UNC13C: variants seen among roughly 807,000 people sequenced by gnomAD.
UNC13C encodes the protein unc-13 homolog C.
A neutral mutation model predicts 245.4 loss-of-function variants in UNC13C; 174 were observed. The observed-to-expected ratio is 0.71, with a 90% CI of 0.63 to 0.80. The LOEUF is 0.80. Among genes scored for constraint, UNC13C ranks in the 30% least tolerant of loss-of-function variants. The pLI is 0.00. For missense variants in UNC13C, 2,829 were observed against 2,602.9 expected (o/e 1.09, Z -1.89); for synonymous variants, 992 against 895.1 (o/e 1.11, Z -1.93).
intron 2 of UNC13C, among the ~76,000 whole-genome samples, chr15:54,112,562 T>C (rs1288244180): frequency 1.3e-5 from 2 of 152,336 alleles, no homozygotes; most frequent in East Asian, 3.9e-4. Context: ...AACTGTCATG[T>C]TGAATATGTC....
At chr15:54,465,184 G>T (rs1417589170) in intron 19 of UNC13C, among the ~76,000 whole-genome samples, 1 of 151,964 alleles carries the variant, frequency 6.6e-6, no homozygotes, top group African/African-American at 2.4e-5. Context: ...GACCAGAATA[G>T]GGTAAATTCT....
In UNC13C at chr15:54,413,126, G is replaced by A. The variant is rs1014986773; in HGVS notation, c.4848-1856G>A. ...ATTGTATTTTTGGGATAAACCTCTCGATCATAATGTATTGTTCATTTTATA... is the reference window on the plus strand; with the variant it reads ...ATTGTATTTTTGGGATAAACCTCTCAATCATAATGTATTGTTCATTTTATA... On this transcript the variant is annotated intron_variant, in intron 18 of 32. Transcript: ENST00000260323. 7.9e-5 allele frequency among the ~76,000 whole-genome samples: 12 copies of A among 152,028 alleles called. No individual in the cohort carries two copies. The East Asian group carries it at 1.6e-3, about 20-fold the overall frequency.
intron 8 of UNC13C, among the ~76,000 whole-genome samples, chr15:54,263,277 A>G (rs756721697): frequency 6.6e-6 from 1 of 152,178 alleles, no homozygotes; most frequent in Non-Finnish European, 1.5e-5. Context: ...ACACTGGTAC[A>G]TGACCTTTTG....
chr15:54,431,414 T>A lies in UNC13C; in HGVS notation c.4933+16347T>A, dbSNP rs2040870050. On this transcript the variant is annotated intron_variant, in intron 19 of 32. Transcript: ENST00000260323. ...TCCATTAATGGCTAAATATTTGGAATGTCTAATAGGGTATCTAATATGCAA... is the reference window on the plus strand; with the variant it reads ...TCCATTAATGGCTAAATATTTGGAAAGTCTAATAGGGTATCTAATATGCAA... Among the ~76,000 whole-genome samples the A allele has an allele frequency of 4.6e-5, 7 of 151,732 alleles. No homozygotes were observed. The South Asian group carries it at 1.2e-3, about 27-fold the overall frequency.
intron 2 of UNC13C, among the ~76,000 whole-genome samples, chr15:54,060,561 G>A (rs1372831557): frequency 1.3e-5 from 2 of 152,206 alleles, no homozygotes; most frequent in Middle Eastern, 3.2e-3. Flanking sequence ...TCGGTGTGGT[G>A]ATTCCTCAGG....
intron 2 of UNC13C, among the ~76,000 whole-genome samples, chr15:54,081,297 T>C (rs1435627717): frequency 6.6e-6 from 1 of 152,148 alleles, no homozygotes; most frequent in Non-Finnish European, 1.5e-5. Flanking sequence ...TAGATGCCTA[T>C]TAAGTCCATT....
At chr15:54,343,707 A>C (rs1033136648) in intron 17 of UNC13C, among the ~76,000 whole-genome samples, 7 of 152,246 alleles carry the variant, frequency 4.6e-5, no homozygotes, top group African/African-American at 1.7e-4. Flanking sequence ...ATGGTAAGGC[A>C]GACTATTCAA....
At chr15:54,298,720 A>C (rs1466564038) in intron 12 of UNC13C, among the ~76,000 whole-genome samples, 1 of 152,124 alleles carries the variant, frequency 6.6e-6, no homozygotes, top group Admixed American at 6.5e-5. Flanking sequence ...TGTCGCTGAG[A>C]GCTTAGTTAG....
chr15:53,933,637 A>T, the UNC13C span, among the ~76,000 whole-genome samples: 2 of 152,270 alleles, frequency 1.3e-5, no homozygotes, highest in African/African-American at 4.8e-5. Context: ...AGCATGCTGT[A>T]ATTTAGTCAT....
intron 30 of UNC13C, among the ~76,000 whole-genome samples, chr15:54,587,304 G>A (rs941192681): frequency 6.6e-6 from 1 of 152,046 alleles, no homozygotes; most frequent in African/African-American, 2.4e-5. Context: ...CTCCTACCAG[G>A]ACAGTTCACA....
At chr15:54,467,517 C>G (rs929136863) in intron 19 of UNC13C, among the ~76,000 whole-genome samples, 1 of 151,508 alleles carries the variant, frequency 6.6e-6, no homozygotes, top group African/African-American at 2.4e-5. Context: ...TTTTGAAATA[C>G]ACAATAAATT....
the UNC13C span, among the ~76,000 whole-genome samples, chr15:53,969,531 A>T: frequency 2.4e-4 from 36 of 152,006 alleles, no homozygotes; most frequent in Admixed American, 8.5e-4. Context: ...AAAAATTTTT[A>T]AAAAAATAGC....
intron 18 of UNC13C, among the ~76,000 whole-genome samples, chr15:54,398,888 T>C (rs1396218088): frequency 6.6e-6 from 1 of 151,636 alleles, no homozygotes; most frequent in African/African-American, 2.4e-5. Flanking sequence ...TAAATTTTAC[T>C]GGTCTTAAGA....
chr15:54,503,025 A>G (rs774367851), intron 22 of UNC13C, among the ~76,000 whole-genome samples: 7 of 148,254 alleles, frequency 4.7e-5, no homozygotes, highest in Non-Finnish European at 1.0e-4. Context: ...GGAGGTCACA[A>G]GGAAGGTCAT....
the UNC13C span, among the ~76,000 whole-genome samples, chr15:53,930,750 A>G: frequency 6.6e-6 from 1 of 152,302 alleles, no homozygotes; most frequent in East Asian, 1.9e-4. Flanking sequence ...TGTACTAAAG[A>G]TTACATTTCT....
At chr15:54,551,678 A>T (rs565497853) in intron 28 of UNC13C, among the ~76,000 whole-genome samples, 16 of 152,232 alleles carry the variant, frequency 1.1e-4, no homozygotes, top group Non-Finnish European at 2.2e-4. Flanking sequence ...CTGAAATAAC[A>T]TGAAGGACTA....
intron 17 of UNC13C, among the ~76,000 whole-genome samples, chr15:54,369,295 G>T (rs1486265416): frequency 6.6e-6 from 1 of 152,020 alleles, no homozygotes; most frequent in Non-Finnish European, 1.5e-5. Context: ...TTGGGATAAG[G>T]TTAATTCGTA....
At chr15:53,941,325 C>A in the UNC13C span, among the ~76,000 whole-genome samples, 1 of 152,074 alleles carries the variant, frequency 6.6e-6, no homozygotes, top group Non-Finnish European at 1.5e-5. Flanking sequence ...AAATATAGAA[C>A]CCAAAACTAT....
At chr15:53,976,497 A>G (rs1222814028), upstream of UNC13C, among the ~76,000 whole-genome samples, 3 of 10,018 alleles carry the variant, frequency 3.0e-4, no homozygotes, top group African/African-American at 6.3e-4. Flanking sequence ...TTTTTTTTTC[A>G]GTCTTGCTCT....
Sources: gnomAD v4.1 joint callset for allele counts (sites outside exome capture counted in the v4.1 genomes callset) on GRCh38, gnomAD v4.1.1 for gene constraint, MANE v1.5 for transcripts, NCBI Gene and HGNC (gene_info 2026-07-23, HGNC 2026-07-21) for gene names.